Variants in PALM observed in about 807,000 individuals in gnomAD.
The protein encoded by PALM is paralemmin.
PALM carries 18 observed loss-of-function variants against 30.7 expected under a neutral mutation model. That is an observed-to-expected ratio of 0.59 (90% CI 0.41 to 0.87). The LOEUF (loss-of-function observed/expected upper bound fraction) is 0.87, where lower values mean the gene tolerates loss of function less well. Ranked by LOEUF, PALM falls within the 40% of genes least tolerant of loss-of-function variation. PALM has a pLI of 0.00. For synonymous variants in PALM, 286 were observed against 242.8 expected (o/e 1.18, Z -1.66); for missense variants, 529 against 555.4 (o/e 0.95, Z 0.48).
intron 1 of PALM, among the ~76,000 whole-genome samples, chr19:714,500 A>G (rs2032192903): frequency 6.7e-6 from 1 of 150,330 alleles, no homozygotes; most frequent in Non-Finnish European, 1.5e-5. Context: ...CTGGGACTAC[A>G]GGCGCCCGCC....
chr19:727,035 G>C lies in PALM; in HGVS notation c.85G>C (p.Glu29Gln), dbSNP rs2032689585. 3 of 1,507,856 alleles carry C rather than the reference G, an allele frequency of 2.0e-6. No homozygotes were observed. The highest frequency in any genetic ancestry group is 2.0e-5 in the Admixed American group (1 of 49,466). The allele number at this position is 1,507,856 out of a possible 1,614,324, so 93.4% of individuals were successfully genotyped here. A position where few individuals can be genotyped will look rare whatever the true frequency, so the allele number is the denominator to read the frequency against. Residue 29 changes from glutamate (E) to glutamine (Q), a missense_variant, in exon 3 of 9, where the codon GAG becomes CAG. Transcript: ENST00000338448. ...GAAGCGGAAGCGGCAGGCGGAGATC[G>C]AGAACAAGCGCCGGCAGCTGGAGGA... ...AEKRKRQAEI[E>Q]NKRRQLEDER...
rs199542927 is a variant in PALM at position 746,493 on chromosome 19, C to T, written c.843C>T (p.Gly281=). The T allele has an allele frequency of 2.3e-5, 37 of 1,611,190 alleles. No homozygotes were observed. The East Asian group carries it at 2.5e-4, about 11-fold the overall frequency. ...REITGVQAQP[G]EATSGPPGIQ... ...TCACCGGTGTGCAGGCACAGCCAGG[C>T]GAGGCCACGTCCGGCCCGCCGGGGA... The change falls in exon 9 of 9, where the codon GGC becomes GGT. Residue 281 remains glycine, a synonymous_variant. Transcript: ENST00000338448. The surrounding 1 kb of genome is among the most constrained non-coding windows in gnomAD (Gnocchi z 7.1).
At chr19:711,268 G>T in intron 1 of PALM, 10 of 765,886 alleles carry the variant, frequency 1.3e-5, no homozygotes, top group Non-Finnish European at 1.6e-5. Context: ...GCTCTGGGAG[G>T]GTTTGTGTGG....
rs34688325 is a variant in PALM at position 729,458 on chromosome 19, CTTTTT to C, written c.270-1616_270-1612del. On this transcript the variant is annotated intron_variant, in intron 4 of 8. Transcript: ENST00000338448. ...GGGAGGCAAAAATCCCACGGTGCGTCTTTTTTTTTTTTTTTTTTTTTTTTTGAGAA... is the reference window on the plus strand; with the variant it reads ...GGGAGGCAAAAATCCCACGGTGCGTCTTTTTTTTTTTTTTTTTTTTGAGAA... 2.6e-4 allele frequency among the ~76,000 whole-genome samples: 19 copies of C among 72,706 alleles called. No homozygotes were observed. The Admixed American group carries it at 3.3e-3, about 13-fold the overall frequency. The allele number at this position is 72,706 out of a possible 152,430, so 47.7% of individuals were successfully genotyped here.
At chr19:727,263 A>ACCTGACCCCGAC (rs1555689037) in intron 3 of PALM, among the ~76,000 whole-genome samples, 175 bp downstream of exon 3, 45 of 52,184 alleles carry the variant, frequency 8.6e-4, no homozygotes, top group African/African-American at 3.1e-3. Flanking sequence ...CCTGACCCCA[A>ACCTGACCCCGAC]CCTGACCCCG....
chr19:710,439 C>T (rs549095813), intron 1 of PALM, among the ~76,000 whole-genome samples: 51 of 152,324 alleles, frequency 3.3e-4, no homozygotes, highest in African/African-American at 1.0e-3. Flanking sequence ...TGTTTATCTG[C>T]CCTGCTCGCC....
chr19:717,090 C>A (rs1359541602), intron 1 of PALM, among the ~76,000 whole-genome samples: 1 of 152,096 alleles, frequency 6.6e-6, no homozygotes, highest in Non-Finnish European at 1.5e-5. Context: ...CCACCACGCC[C>A]GGCTAATTTT....
intron 4 of PALM, 113 bp downstream of exon 4, chr19:727,807 G>T: frequency 2.0e-6 from 2 of 1,006,620 alleles, no homozygotes; most frequent in Non-Finnish European, 2.9e-6. Flanking sequence ...GAGATGCGTG[G>T]ACCGGGCAGG....
intron 3 of PALM, among the ~76,000 whole-genome samples, chr19:727,298 C>T (rs1007253500): frequency 7.7e-6 from 1 of 129,872 alleles, no homozygotes; most frequent in Non-Finnish European, 1.6e-5. Flanking sequence ...CTGACCCTGA[C>T]CCCGACCCTG....
At chr19:713,412 T>C (rs1254749333) in intron 1 of PALM, among the ~76,000 whole-genome samples, 1 of 151,730 alleles carries the variant, frequency 6.6e-6, no homozygotes. Flanking sequence ...ATCTGGCGAG[T>C]GGGGATGTGA....
chr19:731,764 A>G (rs986570474), intron 5 of PALM, among the ~76,000 whole-genome samples: 3 of 152,060 alleles, frequency 2.0e-5, no homozygotes, highest in South Asian at 4.2e-4. Flanking sequence ...GGTTCAAGCA[A>G]TTCTCCTGCC....
chr19:724,014 C>T (rs1280330882), intron 1 of PALM, among the ~76,000 whole-genome samples: 2 of 151,236 alleles, frequency 1.3e-5, no homozygotes, highest in Middle Eastern at 3.2e-3. Context: ...GGAGGGGAAG[C>T]GAGAAAGCAG....
intron 1 of PALM, chr19:722,937 C>G (rs538516205): frequency 6.6e-6 from 1 of 152,450 alleles, no homozygotes; most frequent in African/African-American, 2.4e-5. Context: ...AAGGGAGGAG[C>G]CGGTGGGGTC....
chr19:740,498 GC>G lies in PALM; in HGVS notation c.634+19del. 3.2e-6 allele frequency: 5 copies of G among 1,545,746 alleles called. No homozygotes were observed. The highest frequency in any genetic ancestry group is 4.4e-6 in the Non-Finnish European group (5 of 1,143,438). On this transcript the variant is annotated intron_variant, in intron 8 of 8. Coordinates refer to ENST00000338448, the MANE Select transcript of PALM (RefSeq NM_002579.3). The stretch of plus-strand genomic sequence containing the variant: ...CGAGACCAAAGGTACGAGCACCCCG[GC>G]CCCTGCCCTCCCTCCACCTGGGCCA...
chr19:734,858 G>A (rs1336471486), intron 6 of PALM: 2 of 159,508 alleles, frequency 1.3e-5, no homozygotes, highest in Non-Finnish European at 2.7e-5. Flanking sequence ...GAACGTGTCC[G>A]CTTCTGTATC....
intron 3 of PALM, 70 bp downstream of exon 3, chr19:727,158 C>T: frequency 3.8e-6 from 4 of 1,042,994 alleles, no homozygotes; most frequent in Non-Finnish European, 5.8e-6. Flanking sequence ...CGGACTCCTG[C>T]CCAACCCTGA....
In PALM at chr19:731,184, C is replaced by T; in HGVS notation, c.359C>T (p.Ala120Val). 1 of 1,610,568 alleles carries T rather than the reference C, an allele frequency of 6.2e-7. No individual in the cohort carries two copies. Among genetic ancestry groups the T allele is most frequent in the Non-Finnish European group, 8.5e-7 (1 of 1,178,954 alleles). The change falls in exon 5 of 9, where the codon GCC becomes GTC. Residue 120 changes from alanine to valine, a missense_variant. Transcript: ENST00000338448. ...GCGGCGGCCCCGAGCCCAGTCCGGGCCCCAGCCCCGAGTCCAGCCAAGGAG... is the reference window on the plus strand; with the variant it reads ...GCGGCGGCCCCGAGCCCAGTCCGGGTCCCAGCCCCGAGTCCAGCCAAGGAG... Reference protein sequence around the residue: ...ENAAAPSPVRAPAPSPAKEER... With the variant: ...ENAAAPSPVRVPAPSPAKEER...
chr19:718,759 G>T (rs554538913), intron 1 of PALM, among the ~76,000 whole-genome samples: 1 of 152,088 alleles, frequency 6.6e-6, no homozygotes, highest in Non-Finnish European at 1.5e-5. Flanking sequence ...CCTGGAGGAG[G>T]TGGCTGTGCT....
intron 6 of PALM, 117 bp from the exon 7 acceptor site, chr19:735,902 C>T: frequency 2.5e-6 from 2 of 815,972 alleles, no homozygotes; most frequent in Non-Finnish European, 4.0e-6. Context: ...TGTCAAAGGC[C>T]CAGGTGCATG....
Sources: allele counts gnomAD v4.1 joint callset (sites outside exome capture counted in the v4.1 genomes callset), GRCh38; gene constraint gnomAD v4.1.1; non-coding constraint Gnocchi (gnomAD v3.1); transcripts MANE v1.5; gene names NCBI Gene and HGNC (gene_info 2026-07-23, HGNC 2026-07-21).